Variants in NCKAP5 observed in about 807,000 individuals in gnomAD.
NCKAP5 encodes the protein NCK associated protein 5, also known as nck-associated protein 5.
In NCKAP5, 92 loss-of-function variants were observed where a neutral mutation model predicts 167.0. The observed-to-expected ratio is 0.55, with a 90% CI of 0.47 to 0.66. The LOEUF is 0.66. Among genes scored for constraint, NCKAP5 ranks in the 30% least tolerant of loss-of-function variants. NCKAP5 has a pLI of 0.00. For missense variants in NCKAP5, 2,378 were observed against 2,315.0 expected, an observed-to-expected ratio of 1.03 and a Z score of -0.56; for synonymous variants, 891 against 877.4, an observed-to-expected ratio of 1.02 and a Z score of -0.27.
chr2:132,771,002 T>A (rs912558795), intron 16 of NCKAP5, among the ~76,000 whole-genome samples: 1 of 152,232 alleles, frequency 6.6e-6, no homozygotes, highest in Non-Finnish European at 1.5e-5. Flanking sequence ...GAATATTTGA[T>A]AATGATAATA....
intron 4 of NCKAP5, among the ~76,000 whole-genome samples, chr2:133,269,238 A>G (rs1161359167): frequency 6.6e-6 from 1 of 152,248 alleles, no homozygotes; most frequent in Non-Finnish European, 1.5e-5. Flanking sequence ...GAAAAATCAA[A>G]CAAAAATTTT....
intron 4 of NCKAP5, among the ~76,000 whole-genome samples, chr2:133,239,739 A>G (rs1006531619): frequency 6.6e-6 from 1 of 152,220 alleles, no homozygotes; most frequent in Non-Finnish European, 1.5e-5. Flanking sequence ...AAACTGAAAC[A>G]CTGCTTTGCC....
chr2:133,628,864 C>A, the NCKAP5 span, among the ~76,000 whole-genome samples: 2 of 152,072 alleles, frequency 1.3e-5, no homozygotes, highest in Non-Finnish European at 2.9e-5. Context: ...TTCAACAAAC[C>A]TGACAAAAAC....
chr2:133,170,652 C>T (rs759524362), intron 5 of NCKAP5, among the ~76,000 whole-genome samples: 5 of 152,114 alleles, frequency 3.3e-5, no homozygotes, highest in Admixed American at 6.5e-5. Flanking sequence ...GTCATTCTGC[C>T]CTGTAACAAC....
In NCKAP5 at chr2:133,008,774, TG is replaced by T. The variant is rs2078056419; in HGVS notation, c.342-14536del. Among the ~76,000 whole-genome samples the T allele has an allele frequency of 2.6e-5, 4 of 152,334 alleles. No homozygotes were observed. In the East Asian group the frequency reaches 7.7e-4, roughly 29 times the overall value. On this transcript the variant is annotated intron_variant, in intron 6 of 19. Transcript: ENST00000409261. ...AAGTCAATTTAAAAGGCTGCCTCTA[TG>T]TTAGATTGAAAACAAAACAAAACAA...
intron 8 of NCKAP5, among the ~76,000 whole-genome samples, chr2:132,941,796 A>G (rs1190997781): frequency 6.6e-6 from 1 of 152,204 alleles, no homozygotes; most frequent in Non-Finnish European, 1.5e-5. Context: ...ATTTCCCAGC[A>G]AAGTGTATAC....
the NCKAP5 span, chr2:133,596,406 G>A: frequency 6.6e-6 from 1 of 152,306 alleles, no homozygotes. Context: ...TCTGGGAGCA[G>A]TGATAAGGAT....
chr2:132,850,238 C>T (rs1688972804), intron 11 of NCKAP5, among the ~76,000 whole-genome samples: 1 of 152,114 alleles, frequency 6.6e-6, no homozygotes, highest in Admixed American at 6.5e-5. Flanking sequence ...GGACACCACC[C>T]AAATGTATTG....
chr2:133,306,520 G>GA (rs1418767465), intron 3 of NCKAP5, among the ~76,000 whole-genome samples: 7 of 152,204 alleles, frequency 4.6e-5, no homozygotes, highest in African/African-American at 1.7e-4. Flanking sequence ...CACATGTGAA[G>GA]AAAGTTCTTT....
At chr2:133,355,512 T>C (rs559521361) in intron 3 of NCKAP5, among the ~76,000 whole-genome samples, 3 of 152,356 alleles carry the variant, frequency 2.0e-5, no homozygotes, top group Admixed American at 6.5e-5. Context: ...ATGTCTTTAC[T>C]CATAGATATA....
At chr2:132,868,647 C>G (rs1436173390) in intron 10 of NCKAP5, among the ~76,000 whole-genome samples, 1 of 152,074 alleles carries the variant, frequency 6.6e-6, no homozygotes, top group Non-Finnish European at 1.5e-5. Context: ...CAACTTATTG[C>G]AAGTTTGTAT....
At chr2:133,317,823 G>A (rs1574685134) in intron 3 of NCKAP5, among the ~76,000 whole-genome samples, 1 of 152,174 alleles carries the variant, frequency 6.6e-6, no homozygotes, top group South Asian at 2.1e-4. Context: ...TGCAAAGCAG[G>A]ACCCATCTGG....
chr2:133,236,310 T>C (rs2087419069), intron 4 of NCKAP5, among the ~76,000 whole-genome samples: 1 of 152,136 alleles, frequency 6.6e-6, no homozygotes, highest in African/African-American at 2.4e-5. Flanking sequence ...AACCCTGTAT[T>C]TTCCTTAGGA....
At chr2:133,298,430 T>A (rs1379959035) in intron 4 of NCKAP5, among the ~76,000 whole-genome samples, 2 of 152,158 alleles carry the variant, frequency 1.3e-5, no homozygotes, top group African/African-American at 4.8e-5. Context: ...AAAATAGAAG[T>A]AACTGTACAG....
At chr2:132,806,677 G>A (rs1261313508) in intron 11 of NCKAP5, among the ~76,000 whole-genome samples, 1 of 152,090 alleles carries the variant, frequency 6.6e-6, no homozygotes, top group African/African-American at 2.4e-5. Flanking sequence ...TTAGTCCTCT[G>A]TCAGATGTAC....
At chr2:133,409,809 A>G (rs887112108) in intron 3 of NCKAP5, among the ~76,000 whole-genome samples, 5 of 152,220 alleles carry the variant, frequency 3.3e-5, no homozygotes, top group African/African-American at 1.2e-4. Context: ...ATGACTCTAT[A>G]ACAAATGCAT....
At chr2:132,689,405 T>C (rs1686429333) in intron 19 of NCKAP5, among the ~76,000 whole-genome samples, 1 of 152,226 alleles carries the variant, frequency 6.6e-6, no homozygotes, top group South Asian at 2.1e-4. Flanking sequence ...TACATGTTTT[T>C]CATGAACTTC....
At chr2:133,203,567 A>C (rs2085804295) in intron 5 of NCKAP5, among the ~76,000 whole-genome samples, 1 of 152,164 alleles carries the variant, frequency 6.6e-6, no homozygotes, top group Non-Finnish European at 1.5e-5. Context: ...GTTGTCTTCT[A>C]AAATTCTTGC....
intron 3 of NCKAP5, among the ~76,000 whole-genome samples, chr2:133,405,261 T>A (rs527802438): frequency 1.3e-5 from 2 of 152,350 alleles, no homozygotes; most frequent in South Asian, 2.1e-4. Flanking sequence ...AGAAAGTTCA[T>A]TTATTAACTT....
Sources: gnomAD v4.1 joint callset for allele counts (sites outside exome capture counted in the v4.1 genomes callset) on GRCh38, gnomAD v4.1.1 for gene constraint, MANE v1.5 for transcripts, NCBI Gene and HGNC (gene_info 2026-07-23, HGNC 2026-07-21) for gene names.